Variants in DCAF8 observed in about 807,000 individuals in gnomAD.
The protein encoded by DCAF8 is DDB1- and CUL4-associated factor 8.
DCAF8 carries 20 observed loss-of-function variants against 68.0 expected under a neutral mutation model. The ratio of observed to expected loss-of-function variants is 0.29; its 90% CI spans 0.21 to 0.43. The LOEUF (loss-of-function observed/expected upper bound fraction) is 0.43, where lower values mean the gene tolerates loss of function less well. Ranked by LOEUF, DCAF8 falls within the 20% of genes least tolerant of loss-of-function variation. DCAF8 has a pLI of 1.00. For missense variants in DCAF8, 460 were observed against 771.0 expected (o/e 0.60, Z 4.78); for synonymous variants, 230 against 276.9 (o/e 0.83, Z 1.68).
intron 1 of DCAF8, chr1:160,261,844 A>G (rs1404399779): frequency 6.6e-6 from 1 of 152,512 alleles, no homozygotes; most frequent in African/African-American, 2.4e-5. Context: ...GTAAACTAAG[A>G]TAATTATATT....
chr1:160,255,423 C>A (rs1656797994), intron 2 of DCAF8, among the ~76,000 whole-genome samples: 1 of 152,144 alleles, frequency 6.6e-6, no homozygotes, highest in African/African-American at 2.4e-5. Flanking sequence ...TATGTACCAC[C>A]ACACCTGGCC....
chr1:160,235,940 T>C (rs948108580), intron 6 of DCAF8, among the ~76,000 whole-genome samples: 2 of 152,168 alleles, frequency 1.3e-5, no homozygotes, highest in African/African-American at 4.8e-5. Context: ...GGTTTTGCCA[T>C]GTTGGCTAGG....
rs566636786 is a variant in DCAF8 at position 160,258,280 on chromosome 1, G to A, written c.-27+3005C>T. Among the ~76,000 whole-genome samples the A allele has an allele frequency of 9.9e-5, 15 of 152,202 alleles. No individual in the cohort carries two copies. In the South Asian group the frequency reaches 2.3e-3, roughly 23 times the overall value. On this transcript the variant is annotated intron_variant, in intron 2 of 13. Coordinates refer to ENST00000368074, the MANE Select transcript of DCAF8 (RefSeq NM_015726.4). ...GAGAATCACCTAAGCCCAAGAGGTC[G>A]AGGTTGCAGTGAGCCATGATAGTGC... is the stretch of plus-strand genomic sequence containing the variant.
chr1:160,217,530 A>C lies in DCAF8; in HGVS notation c.*62T>G. 12 of 1,268,524 alleles carry C rather than the reference A, an allele frequency of 9.5e-6. No homozygotes were observed. In the South Asian group the frequency reaches 1.5e-4, roughly 16 times the overall value. 78.6% of individuals were successfully genotyped at this position (1,268,524 alleles called of 1,614,324 possible). A position where few individuals can be genotyped will look rare whatever the true frequency, so the allele number is the denominator to read the frequency against. On this transcript the variant is annotated 3_prime_UTR_variant, in exon 14 of 14. Transcript: ENST00000368074. ...TGCTGAATGTAGGGCCTGGGACAGG[A>C]AAGGGTTGCCCAGGCAGGATCAGGT...
rs146188997 is a variant in DCAF8 at position 160,222,137 on chromosome 1, T to C, written c.1440+514A>G. Among the ~76,000 whole-genome samples, 5 of 152,358 alleles carry C rather than the reference T, an allele frequency of 3.3e-5. No individual in the cohort carries two copies. The East Asian group carries it at 9.6e-4, about 29-fold the overall frequency. On this transcript the variant is annotated intron_variant, in intron 11 of 13. Transcript: ENST00000368074. ...GTATCTCTTAAGTACAAGAATATTC[T>C]AAGTAATCAAATCAATTTAATATTG...
intron 7 of DCAF8, among the ~76,000 whole-genome samples, chr1:160,226,029 A>C (rs1655461704): frequency 6.6e-6 from 1 of 152,144 alleles, no homozygotes. Context: ...TTTTTAGTAG[A>C]GACAGAGTTT....
At chr1:160,233,327 T>A (rs1655759685) in intron 6 of DCAF8, among the ~76,000 whole-genome samples, 1 of 152,068 alleles carries the variant, frequency 6.6e-6, no homozygotes, top group African/African-American at 2.4e-5. Flanking sequence ...GGTGGGAGGA[T>A]CGTTTGAATC....
At chr1:160,251,200 C>T (rs1334551390) in intron 2 of DCAF8, among the ~76,000 whole-genome samples, 1 of 152,096 alleles carries the variant, frequency 6.6e-6, no homozygotes, top group African/African-American at 2.4e-5. Context: ...CCACACAGTC[C>T]CAAGTTTCTC....
intron 6 of DCAF8, among the ~76,000 whole-genome samples, 155 bp from the exon 7 acceptor site, chr1:160,231,562 C>G (rs74125517): frequency 6.6e-6 from 1 of 151,984 alleles, no homozygotes; most frequent in Admixed American, 6.5e-5. Flanking sequence ...TTGTTTTGTA[C>G]GTAACAACAG....
At chr1:160,222,610 G>A in intron 11 of DCAF8, 41 bp downstream of exon 11, 11 of 1,610,150 alleles carry the variant, frequency 6.8e-6, no homozygotes, top group Non-Finnish European at 9.3e-6. Context: ...TTAATGACTG[G>A]AGAGATTAGG....
chr1:160,245,334 C>T (rs1460328352), intron 2 of DCAF8, among the ~76,000 whole-genome samples: 1 of 152,196 alleles, frequency 6.6e-6, no homozygotes, highest in African/African-American at 2.4e-5. Flanking sequence ...ACAAAAGGCA[C>T]TAGTAAAAGA....
At chr1:160,218,198 C>T (rs1325893500) in intron 13 of DCAF8, 126 bp downstream of exon 13, 8 of 753,562 alleles carry the variant, frequency 1.1e-5, no homozygotes, top group East Asian at 2.5e-5. Flanking sequence ...CTGATGGGGA[C>T]AGAGGACAGT....
chr1:160,260,166 C>A (rs572766420), intron 2 of DCAF8, among the ~76,000 whole-genome samples: 12 of 151,974 alleles, frequency 7.9e-5, no homozygotes, highest in Non-Finnish European at 4.4e-5. Context: ...AATAGATTCC[C>A]TATAATACTA....
chr1:160,217,804 T>C lies in DCAF8; in HGVS notation c.1678-96A>G, dbSNP rs1016242899. 4 of 927,118 alleles carry C rather than the reference T, an allele frequency of 4.3e-6. No individual in the cohort carries two copies. In the African/African-American group the frequency reaches 6.6e-5, roughly 15 times the overall value. The allele number at this position is 927,118 out of a possible 1,614,324, so 57.4% of individuals were successfully genotyped here. ...GAATTTAGATGCTTTAGGCCAGAGA[T>C]CAGCAGAATTTTTCTTAAAGGGCCA... On this transcript the variant is annotated intron_variant, in intron 13 of 13. Coordinates refer to ENST00000368074, the MANE Select transcript of DCAF8 (RefSeq NM_015726.4).
intron 6 of DCAF8, among the ~76,000 whole-genome samples, chr1:160,235,475 A>G (rs752448194): frequency 6.6e-6 from 1 of 151,932 alleles, no homozygotes; most frequent in African/African-American, 2.4e-5. Flanking sequence ...CTAGATATCT[A>G]TCAATAAGGT....
At chr1:160,252,506 G>A (rs563019275) in intron 2 of DCAF8, among the ~76,000 whole-genome samples, 4 of 152,284 alleles carry the variant, frequency 2.6e-5, no homozygotes, top group African/African-American at 9.6e-5. Flanking sequence ...TATATGGGTA[G>A]TCTACTTTGG....
intron 5 of DCAF8, 29 bp from the exon 6 acceptor site, chr1:160,237,258 T>A (rs1482820617): frequency 6.9e-7 from 1 of 1,458,120 alleles, no homozygotes; most frequent in Non-Finnish European, 9.4e-7. Flanking sequence ...AAACATGAGG[T>A]TTCTAAATAT....
chr1:160,257,412 T>C (rs922197759), intron 2 of DCAF8, among the ~76,000 whole-genome samples: 19 of 152,246 alleles, frequency 1.2e-4, no homozygotes, highest in African/African-American at 4.3e-4. Flanking sequence ...AATAAACTTT[T>C]ATACAGTAGA....
At chr1:160,225,146 A>C in intron 8 of DCAF8, 27 bp from the exon 9 acceptor site, 1 of 1,607,622 alleles carries the variant, frequency 6.2e-7, no homozygotes, top group Non-Finnish European at 8.5e-7. Flanking sequence ...ATACTGACTG[A>C]TGCCCCACCC....
Sources: gnomAD v4.1 joint callset for allele counts (sites outside exome capture counted in the v4.1 genomes callset) on GRCh38, gnomAD v4.1.1 for gene constraint, MANE v1.5 for transcripts, NCBI Gene and HGNC (gene_info 2026-07-23, HGNC 2026-07-21) for gene names.